The following SOX5 variants were observed in gnomAD, a reference collection of about 807,000 sequenced individuals.
The protein encoded by SOX5 is SRY-box transcription factor 5, also known as transcription factor SOX-5.
SOX5 carries 9 observed loss-of-function variants against 92.0 expected under a neutral mutation model. The observed-to-expected ratio is 0.10, with a 90% CI of 0.06 to 0.17. SOX5 has a LOEUF of 0.17. Among genes scored for constraint, SOX5 ranks in the 10% least tolerant of loss-of-function variants. SOX5 has a pLI of 1.00. For synonymous variants in SOX5, 344 were observed against 336.3 expected, an observed-to-expected ratio of 1.02 and a Z score of -0.25; for missense variants, 642 against 944.5, an observed-to-expected ratio of 0.68 and a Z score of 4.20.
chr12:24,492,361 A>C (rs2137987718), intron 1 of SOX5, among the ~76,000 whole-genome samples: 1 of 152,308 alleles, frequency 6.6e-6, no homozygotes, highest in East Asian at 1.9e-4. Flanking sequence ...GTGTGAAGCA[A>C]AAATAACTAT....
chr12:24,253,918 T>A (rs574823596), intron 3 of SOX5, among the ~76,000 whole-genome samples: 1 of 152,314 alleles, frequency 6.6e-6, no homozygotes, highest in African/African-American at 2.4e-5. Flanking sequence ...TACTTAACTA[T>A]CTGTGTCTCA....
chr12:24,309,806 C>A (rs555429), intron 2 of SOX5, among the ~76,000 whole-genome samples: 4 of 152,114 alleles, frequency 2.6e-5, no homozygotes, highest in Non-Finnish European at 5.9e-5. Flanking sequence ...ACACACATTA[C>A]ATAAAGATTT....
intron 4 of SOX5, among the ~76,000 whole-genome samples, chr12:24,061,493 A>G (rs919458323): frequency 4.0e-5 from 6 of 151,226 alleles, no homozygotes; most frequent in Admixed American, 2.0e-4. Context: ...CCAGGCAGAA[A>G]TAACATTTAA....
chr12:23,810,562 C>A (rs987779995), intron 3 of SOX5, among the ~76,000 whole-genome samples: 3 of 152,092 alleles, frequency 2.0e-5, no homozygotes, highest in Admixed American at 2.0e-4. Flanking sequence ...TCTTCTAGGG[C>A]CATTCGACAA....
At chr12:24,157,436 T>C (rs1055074010) in intron 4 of SOX5, among the ~76,000 whole-genome samples, 4 of 152,098 alleles carry the variant, frequency 2.6e-5, no homozygotes, top group Non-Finnish European at 5.9e-5. Flanking sequence ...GAGAAACAAA[T>C]ACAACTTATA....
intron 1 of SOX5, among the ~76,000 whole-genome samples, chr12:24,506,827 G>A (rs1409154320): frequency 1.9e-5 from 2 of 103,934 alleles, no homozygotes; most frequent in Admixed American, 3.0e-4. Flanking sequence ...GTCTCGCTCT[G>A]TCGCCCAGGC....
At chr12:24,215,668 T>C (rs1959111066) in intron 3 of SOX5, among the ~76,000 whole-genome samples, 2 of 152,208 alleles carry the variant, frequency 1.3e-5, no homozygotes, top group South Asian at 4.1e-4. Context: ...AAAATGATAA[T>C]ACTTGCCAAT....
intron 7 of SOX5, among the ~76,000 whole-genome samples, chr12:23,648,038 T>A (rs2081092979): frequency 6.6e-6 from 1 of 152,206 alleles, no homozygotes; most frequent in Non-Finnish European, 1.5e-5. Context: ...GCTCAATCAT[T>A]TCTAGCTCAC....
chr12:23,611,906 A>C (rs1332091496), intron 8 of SOX5, among the ~76,000 whole-genome samples: 1 of 151,036 alleles, frequency 6.6e-6, no homozygotes, highest in African/African-American at 2.4e-5. Context: ...AGAGCTGGGC[A>C]CAAAAGGCAT....
intron 2 of SOX5, among the ~76,000 whole-genome samples, chr12:24,325,918 GTA>G (rs1278170562): frequency 6.6e-6 from 1 of 152,168 alleles, no homozygotes; most frequent in East Asian, 1.9e-4. Flanking sequence ...GCGTGTGTGT[GTA>G]TGTTAGATAA....
intron 1 of SOX5, among the ~76,000 whole-genome samples, chr12:24,428,786 C>G (rs1245823922): frequency 7.9e-6 from 1 of 126,522 alleles, no homozygotes; most frequent in Non-Finnish European, 1.6e-5. Flanking sequence ...TGTTATAGGT[C>G]TTATAAGTTC....
intron 3 of SOX5, chr12:23,762,604 A>G (rs1047039075): frequency 1.1e-5 from 5 of 470,308 alleles, no homozygotes; most frequent in Admixed American, 5.3e-5. Flanking sequence ...GAGCCTGTTA[A>G]TACAAAAAGA....
intron 4 of SOX5, among the ~76,000 whole-genome samples, chr12:24,011,221 A>C (rs191717526): frequency 7.2e-5 from 11 of 152,336 alleles, no homozygotes; most frequent in Non-Finnish European, 1.3e-4. Flanking sequence ...CAAATTAAAA[A>C]AAATAGAAAA....
At chr12:23,868,696 T>C (rs1345945060) in intron 2 of SOX5, among the ~76,000 whole-genome samples, 1 of 152,040 alleles carries the variant, frequency 6.6e-6, no homozygotes, top group African/African-American at 2.4e-5. Context: ...AACACCCATA[T>C]CCCTTCATTC....
chr12:23,685,949 G>T (rs959381508), intron 6 of SOX5, among the ~76,000 whole-genome samples: 1 of 152,104 alleles, frequency 6.6e-6, no homozygotes, highest in Non-Finnish European at 1.5e-5. Flanking sequence ...CCAACTTAGA[G>T]TCTTCATGTC....
At chr12:23,800,068 T>C (rs993726061) in intron 3 of SOX5, among the ~76,000 whole-genome samples, 1 of 152,056 alleles carries the variant, frequency 6.6e-6, no homozygotes, top group Admixed American at 6.6e-5. Flanking sequence ...AAAATGTCAT[T>C]GAGTGCTCAT....
intron 3 of SOX5, among the ~76,000 whole-genome samples, chr12:24,271,291 T>G (rs542951010): frequency 2.6e-5 from 4 of 152,362 alleles, no homozygotes; most frequent in African/African-American, 7.2e-5. Context: ...TTTTCATGTC[T>G]TGGACATTAT....
At chr12:24,253,455 T>C (rs1313507518) in intron 3 of SOX5, among the ~76,000 whole-genome samples, 1 of 152,118 alleles carries the variant, frequency 6.6e-6, no homozygotes, top group Non-Finnish European at 1.5e-5. Context: ...TTGATCCTTA[T>C]TCATCTTTGG....
At chr12:23,663,403 C>T (rs752081707) in intron 7 of SOX5, among the ~76,000 whole-genome samples, 1 of 152,056 alleles carries the variant, frequency 6.6e-6, no homozygotes, top group Non-Finnish European at 1.5e-5. Flanking sequence ...TTTAGTATGC[C>T]AACTCTGTCA....
Sources: gnomAD v4.1 joint callset for allele counts (sites outside exome capture counted in the v4.1 genomes callset) on GRCh38, gnomAD v4.1.1 for gene constraint, MANE v1.5 for transcripts, NCBI Gene and HGNC (gene_info 2026-07-23, HGNC 2026-07-21) for gene names.